Variants in CRKL observed in about 807,000 individuals in gnomAD.
CRKL encodes the protein CRK like proto-oncogene, adaptor protein, also known as crk-like protein.
In CRKL, 3 loss-of-function variants were observed where a neutral mutation model predicts 23.0. The observed-to-expected ratio is 0.13, with a 90% CI of 0.06 to 0.34. The LOEUF is 0.34. Ranked by LOEUF, CRKL falls within the 10% of genes least tolerant of loss-of-function variation. The pLI is 1.00. For missense variants in CRKL, 256 were observed against 394.5 expected, an observed-to-expected ratio of 0.65 and a Z score of 2.97; for synonymous variants, 188 against 160.7, an observed-to-expected ratio of 1.17 and a Z score of -1.28.
Position 20,932,439 on chromosome 22 carries a change from G to A in CRKL, c.312-1340G>A, listed in dbSNP as rs186557953. Among the ~76,000 whole-genome samples the A allele has an allele frequency of 3.3e-5, 5 of 152,072 alleles. 1 individual carries two copies. Among genetic ancestry groups the A allele is most frequent in the African/African-American group, 1.2e-4 (5 of 41,492 alleles). Reference sequence around the variant, plus strand: ...TTGGCAAGTCTGTAAGCCCTTTTTTGTTCCTTTTTTTTCAAGAGGCCAGAG... The same window carrying A: ...TTGGCAAGTCTGTAAGCCCTTTTTTATTCCTTTTTTTTCAAGAGGCCAGAG... On this transcript the variant is annotated intron_variant, in intron 1 of 2. Coordinates refer to ENST00000354336, the MANE Select transcript of CRKL (RefSeq NM_005207.4).
intron 2 of CRKL, among the ~76,000 whole-genome samples, chr22:20,945,145 T>A (rs1367347573): frequency 6.6e-6 from 1 of 151,746 alleles, no homozygotes; most frequent in Admixed American, 6.6e-5. Flanking sequence ...AGGCGCCTCC[T>A]ACCACGCCCG....
intron 1 of CRKL, among the ~76,000 whole-genome samples, chr22:20,918,982 G>T (rs1472618982): frequency 6.9e-5 from 1 of 14,492 alleles, no homozygotes; most frequent in African/African-American, 2.5e-4. Context: ...ACCCCTCCCC[G>T]CCAAAGGCAC....
chr22:20,951,137 A>G lies in CRKL; in HGVS notation c.*1292A>G, dbSNP rs971166297. On this transcript the variant is annotated 3_prime_UTR_variant, in exon 3 of 3. Transcript: ENST00000354336. ...ACTTCCTTAAAAAGTGGCGTTGTTC[A>G]TAGAATCGTTGGACTCATTAATGAA... 2.2e-5 allele frequency: 5 copies of G among 232,378 alleles called. No homozygotes were observed. In the East Asian group the frequency reaches 2.4e-4, roughly 11 times the overall value. 14.4% of individuals were successfully genotyped at this position (232,378 alleles called of 1,614,324 possible). A position where few individuals can be genotyped will look rare whatever the true frequency, so the allele number is the denominator to read the frequency against.
intron 1 of CRKL, among the ~76,000 whole-genome samples, chr22:20,931,359 G>T (rs1921446558): frequency 2.0e-5 from 3 of 152,116 alleles, no homozygotes; most frequent in Admixed American, 2.0e-4. Flanking sequence ...GTGAGCTGTG[G>T]TTGTGCCACT....
rs1026237380 is a variant in CRKL at position 20,945,523 on chromosome 22, A to G, written c.778-4188A>G. 3.3e-5 allele frequency among the ~76,000 whole-genome samples: 5 copies of G among 152,176 alleles called. No individual in the cohort carries two copies. In the South Asian group the frequency reaches 1.0e-3, roughly 32 times the overall value. On this transcript the variant is annotated intron_variant, in intron 2 of 2. Coordinates refer to ENST00000354336, the MANE Select transcript of CRKL (RefSeq NM_005207.4). ...CCCAAATAAAATCTCTGTGTTAACC[A>G]GTAAACAGCCCTCTTGAATCAAGTT...
chr22:20,947,268 G>T (rs1228958027), intron 2 of CRKL, among the ~76,000 whole-genome samples: 5 of 148,918 alleles, frequency 3.4e-5, no homozygotes, highest in African/African-American at 1.3e-4. Context: ...ATAGAAGCTA[G>T]GTCTCACTAT....
intron 1 of CRKL, 142 bp downstream of exon 1, chr22:20,918,387 A>C (rs1929768204): frequency 1.1e-6 from 1 of 943,952 alleles, no homozygotes; most frequent in Non-Finnish European, 1.5e-6. Flanking sequence ...CCTTCCTAAC[A>C]GAAAGCTAGT....
intron 2 of CRKL, among the ~76,000 whole-genome samples, chr22:20,937,300 G>A (rs368060335): frequency 5.3e-5 from 8 of 151,900 alleles, no homozygotes; most frequent in African/African-American, 9.7e-5. Flanking sequence ...GCATTTTCAC[G>A]TCCATCATAG....
Position 20,951,826 on chromosome 22 carries a change from CTA to C in CRKL, c.*1983_*1984del, listed in dbSNP as rs1256618539. On this transcript the variant is annotated 3_prime_UTR_variant, in exon 3 of 3. Coordinates refer to ENST00000354336, the MANE Select transcript of CRKL (RefSeq NM_005207.4). ...CAGAATTAATGGTCATTTGGGAAAACTATCGCCATGGCTTCCCATCTGTGGTT... is the reference window on the plus strand; with the variant it reads ...CAGAATTAATGGTCATTTGGGAAAACTCGCCATGGCTTCCCATCTGTGGTT... 1 of 221,500 alleles carries C rather than the reference CTA, an allele frequency of 4.5e-6. No individual in the cohort carries two copies. Among genetic ancestry groups the C allele is most frequent in the Non-Finnish European group, 9.0e-6 (1 of 110,696 alleles). The allele number at this position is 221,500 out of a possible 1,614,324, so 13.7% of individuals were successfully genotyped here. A position where few individuals can be genotyped will look rare whatever the true frequency, so the allele number is the denominator to read the frequency against.
chr22:20,948,213 T>C (rs1309071671), intron 2 of CRKL, among the ~76,000 whole-genome samples: 1 of 152,342 alleles, frequency 6.6e-6, no homozygotes. Flanking sequence ...TCTTGGCAGC[T>C]TTCAATCCTT....
chr22:20,940,023 C>T (rs1921811617), intron 2 of CRKL, among the ~76,000 whole-genome samples: 1 of 152,086 alleles, frequency 6.6e-6, no homozygotes. Flanking sequence ...CTCCTAACCT[C>T]AGGCAATCCG....
At chr22:20,932,653 A>C (rs13057428) in intron 1 of CRKL, among the ~76,000 whole-genome samples, 89,181 of 151,464 alleles carry the variant, frequency 0.59, 28,476 homozygotes, top group South Asian at 0.81. Context: ...GTTTCTGTAA[A>C]ACAGAGATGG....
chr22:20,922,006 C>CTTT (rs66728040), intron 1 of CRKL, among the ~76,000 whole-genome samples: 19 of 69,930 alleles, frequency 2.7e-4, no homozygotes, highest in South Asian at 7.4e-4. Context: ...CTGCGCCCGG[C>CTTT]TTTTTTTTTT....
intron 2 of CRKL, among the ~76,000 whole-genome samples, chr22:20,939,199 T>C (rs1456530714): frequency 6.7e-6 from 1 of 150,058 alleles, no homozygotes; most frequent in Non-Finnish European, 1.5e-5. Context: ...AAAACAAAGA[T>C]GTATTTCCTG....
chr22:20,923,542 GC>G lies in CRKL; in HGVS notation c.311+5298del, dbSNP rs568826499. Among the ~76,000 whole-genome samples, 24 of 149,502 alleles carry G rather than the reference GC, an allele frequency of 1.6e-4. No individual in the cohort carries two copies. In the South Asian group the frequency reaches 4.9e-3, roughly 30 times the overall value. The stretch of plus-strand genomic sequence containing the variant: ...ACCGCCCGCCTGGGCCTCCCAAAGT[GC>G]TGGGATTACAGTTATGAGCCACCGC... On this transcript the variant is annotated intron_variant, in intron 1 of 2. Transcript: ENST00000354336.
rs376754964 is a variant in CRKL at position 20,931,003 on chromosome 22, A to G, written c.312-2776A>G. On this transcript the variant is annotated intron_variant, in intron 1 of 2. Transcript: ENST00000354336. The stretch of plus-strand genomic sequence containing the variant: ...TGGCTAACTGCTTTTAACTATACAA[A>G]TAATAAAATACTCTTGGATGGAGTC... Among the ~76,000 whole-genome samples, 16 of 152,250 alleles carry G rather than the reference A, an allele frequency of 1.1e-4. No individual in the cohort carries two copies. In the South Asian group the frequency reaches 2.9e-3, roughly 28 times the overall value.
chr22:20,927,336 G>C lies in CRKL; in HGVS notation c.312-6443G>C, dbSNP rs1185164528. 2.0e-5 allele frequency among the ~76,000 whole-genome samples: 3 copies of C among 147,592 alleles called. No individual in the cohort carries two copies. In the East Asian group the frequency reaches 6.6e-4, roughly 32 times the overall value. ...CTCCTGAGTAGCTGCGATTACAGGC[G>C]CCCACCACCATGCCCGGCTAATTTT... On this transcript the variant is annotated intron_variant, in intron 1 of 2. Coordinates refer to ENST00000354336, the MANE Select transcript of CRKL (RefSeq NM_005207.4).
At chr22:20,949,009 C>T (rs1477764545) in intron 2 of CRKL, among the ~76,000 whole-genome samples, 1 of 152,064 alleles carries the variant, frequency 6.6e-6, no homozygotes, top group East Asian at 1.9e-4. Flanking sequence ...TGACTTTAAC[C>T]ATTCTCAGAA....
chr22:20,934,311 A>T, intron 2 of CRKL, 67 bp downstream of exon 2: 1 of 1,358,846 alleles, frequency 7.4e-7, no homozygotes, highest in East Asian at 2.3e-5. Context: ...GTTTTAGTTT[A>T]GTTTCTGCTC....
Sources: allele counts gnomAD v4.1 joint callset (sites outside exome capture counted in the v4.1 genomes callset), GRCh38; gene constraint gnomAD v4.1.1; transcripts MANE v1.5; gene names NCBI Gene and HGNC (gene_info 2026-07-23, HGNC 2026-07-21).